NRG3: variants seen among roughly 807,000 people sequenced by gnomAD.
The protein encoded by NRG3 is neuregulin 3.
A neutral mutation model predicts 66.9 loss-of-function variants in NRG3; 31 were observed. The observed-to-expected ratio is 0.46, with a 90% CI of 0.35 to 0.63. The LOEUF is 0.63. Among genes scored for constraint, NRG3 ranks in the 20% least tolerant of loss-of-function variants. NRG3 has a pLI of 0.00. For missense variants in NRG3, 910 were observed against 878.9 expected, an observed-to-expected ratio of 1.04 and a Z score of -0.45; for synonymous variants, 393 against 359.4, an observed-to-expected ratio of 1.09 and a Z score of -1.06.
At chr10:82,393,176 G>A (rs952570050) in intron 2 of NRG3, among the ~76,000 whole-genome samples, 2 of 152,052 alleles carry the variant, frequency 1.3e-5, no homozygotes, top group African/African-American at 4.8e-5. Context: ...GCTGTCAGTC[G>A]GAGGGGATAT....
chr10:82,810,775 A>T (rs56161908), intron 3 of NRG3, among the ~76,000 whole-genome samples: 1 of 150,700 alleles, frequency 6.6e-6, no homozygotes, highest in African/African-American at 2.4e-5. Flanking sequence ...CGACTGCAAT[A>T]GTCCAAGCCA....
At chr10:82,370,797 A>T (rs1242022033) in intron 2 of NRG3, among the ~76,000 whole-genome samples, 1 of 152,214 alleles carries the variant, frequency 6.6e-6, no homozygotes, top group African/African-American at 2.4e-5. Flanking sequence ...TCCTTGTTTT[A>T]TAGAAAAAAG....
At chr10:82,361,100 A>C (rs2135612254) in intron 2 of NRG3, among the ~76,000 whole-genome samples, 1 of 152,360 alleles carries the variant, frequency 6.6e-6, no homozygotes, top group South Asian at 2.1e-4. Flanking sequence ...TCAGTCCATA[A>C]CAATGAGTCT....
intron 1 of NRG3, among the ~76,000 whole-genome samples, chr10:82,354,288 A>T (rs1053933908): frequency 4.0e-5 from 6 of 151,512 alleles, no homozygotes; most frequent in African/African-American, 1.5e-4. Context: ...TGATCCTCCC[A>T]CCTTGGCTCC....
At chr10:82,748,802 C>T (rs2058744256) in intron 3 of NRG3, among the ~76,000 whole-genome samples, 1 of 150,758 alleles carries the variant, frequency 6.6e-6, no homozygotes, top group Admixed American at 6.6e-5. Flanking sequence ...TAAATAAATA[C>T]ATAAATAAAT....
intron 1 of NRG3, among the ~76,000 whole-genome samples, chr10:82,008,473 A>G (rs762862462): frequency 9.2e-5 from 14 of 152,258 alleles, no homozygotes; most frequent in Non-Finnish European, 2.9e-5. Context: ...GACAGCAAAT[A>G]TCTGTTGAAT....
intron 1 of NRG3, among the ~76,000 whole-genome samples, chr10:82,325,709 A>G (rs2081837340): frequency 6.6e-6 from 1 of 151,834 alleles, no homozygotes. Flanking sequence ...TAGTTTTAGT[A>G]TATACCTCTA....
intron 4 of NRG3, among the ~76,000 whole-genome samples, chr10:82,900,823 T>G (rs1281367235): frequency 1.3e-5 from 2 of 152,166 alleles, no homozygotes; most frequent in African/African-American, 4.8e-5. Context: ...TAAAACTCTG[T>G]GAGATGACAC....
At chr10:82,090,458 A>T (rs1050720277) in intron 1 of NRG3, among the ~76,000 whole-genome samples, 2 of 152,244 alleles carry the variant, frequency 1.3e-5, no homozygotes, top group Non-Finnish European at 2.9e-5. Flanking sequence ...AATTTTACTA[A>T]ATTTGAGAAA....
chr10:82,146,726 A>C (rs2070292328), intron 1 of NRG3, among the ~76,000 whole-genome samples: 2 of 152,020 alleles, frequency 1.3e-5, no homozygotes, highest in East Asian at 1.9e-4. Context: ...AAGGAGAGTA[A>C]CCCATTACCT....
Position 82,796,684 on chromosome 10 carries a change from G to A in NRG3, c.1027+58034G>A, listed in dbSNP as rs181815538. 4.7e-3 allele frequency among the ~76,000 whole-genome samples: 722 copies of A among 152,240 alleles called. 4 individuals carry two copies. Among genetic ancestry groups the A allele is most frequent in the African/African-American group, 0.016 (677 of 41,566 alleles). On this transcript the variant is annotated intron_variant, in intron 3 of 8. Coordinates refer to ENST00000372141, the MANE Select transcript of NRG3 (RefSeq NM_001010848.4). ...CATTTATTATTTTGCAAAAATGACA[G>A]GAGAGGGAGCCCTAGAGCCATAATG...
At chr10:82,613,791 C>G (rs1231090739) in intron 2 of NRG3, among the ~76,000 whole-genome samples, 1 of 149,966 alleles carries the variant, frequency 6.7e-6, no homozygotes, top group African/African-American at 2.5e-5. Flanking sequence ...CACCCATTAA[C>G]TCGTCATTTA....
intron 2 of NRG3, among the ~76,000 whole-genome samples, chr10:82,467,350 C>T (rs1239880142): frequency 6.6e-6 from 1 of 152,208 alleles, no homozygotes; most frequent in Non-Finnish European, 1.5e-5. Flanking sequence ...GCCTGCAATA[C>T]ACTTCTGTTC....
intron 2 of NRG3, among the ~76,000 whole-genome samples, chr10:82,543,899 C>A (rs1030113104): frequency 1.3e-5 from 2 of 152,092 alleles, no homozygotes; most frequent in Admixed American, 6.5e-5. Context: ...TCTCTGGAGC[C>A]TTTTTGCAGT....
chr10:82,541,767 G>A (rs985249339), intron 2 of NRG3, among the ~76,000 whole-genome samples: 7 of 152,156 alleles, frequency 4.6e-5, no homozygotes, highest in African/African-American at 9.6e-5. Flanking sequence ...GGTGGTCTCC[G>A]CCCTTAATCT....
chr10:82,651,850 C>A (rs746211097), intron 2 of NRG3, among the ~76,000 whole-genome samples: 2 of 152,168 alleles, frequency 1.3e-5, no homozygotes, highest in African/African-American at 2.4e-5. Context: ...CCCAGTCAAG[C>A]CTTCAGATGA....
At chr10:82,846,000 A>C (rs1008797180) in intron 3 of NRG3, among the ~76,000 whole-genome samples, 2 of 152,172 alleles carry the variant, frequency 1.3e-5, no homozygotes, top group Admixed American at 1.3e-4. Flanking sequence ...TCTGATACAG[A>C]TTGTCAACAG....
At chr10:82,485,056 T>C (rs898783629) in intron 2 of NRG3, among the ~76,000 whole-genome samples, 5 of 152,138 alleles carry the variant, frequency 3.3e-5, no homozygotes, top group Admixed American at 2.6e-4. Context: ...ATGAACAAGA[T>C]AATATGTTTA....
chr10:82,321,204 T>A (rs1411571906), intron 1 of NRG3, among the ~76,000 whole-genome samples: 1 of 151,936 alleles, frequency 6.6e-6, no homozygotes, highest in African/African-American at 2.4e-5. Flanking sequence ...TTGCCCTGGC[T>A]CCTGCCTGTC....
Sources: gnomAD v4.1 joint callset for allele counts (sites outside exome capture counted in the v4.1 genomes callset) on GRCh38, gnomAD v4.1.1 for gene constraint, MANE v1.5 for transcripts, NCBI Gene and HGNC (gene_info 2026-07-23, HGNC 2026-07-21) for gene names.